Variants in OXR1 observed in about 807,000 individuals in gnomAD.
The protein encoded by OXR1 is oxidation resistance protein 1.
Under a neutral mutation model 104.6 loss-of-function variants are expected in OXR1, and 41 were observed. The ratio of observed to expected loss-of-function variants is 0.39; its 90% confidence interval spans 0.31 to 0.51. The LOEUF (loss-of-function observed/expected upper bound fraction) is 0.51, where lower values mean the gene tolerates loss of function less well. Among genes scored for constraint, OXR1 ranks in the 20% least tolerant of loss-of-function variants. The probability of loss-of-function intolerance (pLI) is 0.77; values close to 1 mark genes in which losing one functional copy is unlikely to be tolerated. For missense variants in OXR1, 955 were observed against 1,031.9 expected, an observed-to-expected ratio of 0.93 and a Z score of 1.02; for synonymous variants, 348 against 348.4, an observed-to-expected ratio of 1.00 and a Z score of 0.01.
intron 1 of OXR1, among the ~76,000 whole-genome samples, chr8:106,321,298 A>G (rs886562240): frequency 5.9e-5 from 9 of 152,180 alleles, no homozygotes; most frequent in Non-Finnish European, 1.2e-4. Context: ...CAAAGAAAAA[A>G]TGTAATGGAT....
In OXR1 at chr8:106,704,313, GGA is replaced by G. The variant is rs3046757; in HGVS notation, c.860+1241_860+1242del. On this transcript the variant is annotated intron_variant, in intron 8 of 16. Coordinates refer to ENST00000517566, the MANE Select transcript of OXR1 (RefSeq NM_001198533.2). Reference sequence around the variant, plus strand: ...GAAGAGGAAGGATATATACATATATGGAGAGAGAGAGAGAGAGAGTCATTGGT... The same window carrying G: ...GAAGAGGAAGGATATATACATATATGGAGAGAGAGAGAGAGAGTCATTGGT... 9.0e-4 allele frequency among the ~76,000 whole-genome samples: 133 copies of G among 147,394 alleles called. No homozygotes were observed. The East Asian group carries it at 0.019, about 21-fold the overall frequency.
intron 8 of OXR1, among the ~76,000 whole-genome samples, chr8:106,704,313 GGAGAGA>G (rs3046757): frequency 0.24 from 35,463 of 147,348 alleles, 4,702 homozygotes; most frequent in African/African-American, 0.35. Flanking sequence ...ATACATATAT[GGAGAGA>G]GAGAGAGAGA....
chr8:106,395,508 A>C (rs905819586), intron 2 of OXR1, among the ~76,000 whole-genome samples: 24 of 152,276 alleles, frequency 1.6e-4, no homozygotes, highest in Admixed American at 1.4e-3. Flanking sequence ...CTTATTCACT[A>C]TCACAAGAAT....
chr8:106,719,597 C>T (rs1162791498), intron 11 of OXR1, among the ~76,000 whole-genome samples: 3 of 152,058 alleles, frequency 2.0e-5, no homozygotes, highest in East Asian at 1.9e-4. Context: ...GTTCCTCCTC[C>T]ATTGCTTTGC....
At chr8:106,315,867 A>C (rs1813911334) in intron 1 of OXR1, among the ~76,000 whole-genome samples, 1 of 152,218 alleles carries the variant, frequency 6.6e-6, no homozygotes, top group African/African-American at 2.4e-5. Context: ...AATTGGAAAC[A>C]AGAGGCATGT....
At chr8:106,374,903 T>C (rs1816849221) in intron 2 of OXR1, among the ~76,000 whole-genome samples, 1 of 152,236 alleles carries the variant, frequency 6.6e-6, no homozygotes, top group Non-Finnish European at 1.5e-5. Flanking sequence ...TTTTCAGCGT[T>C]GTGCACACTA....
chr8:106,625,890 C>A (rs539754214), intron 3 of OXR1, among the ~76,000 whole-genome samples: 1 of 151,862 alleles, frequency 6.6e-6, no homozygotes, highest in African/African-American at 2.4e-5. Flanking sequence ...TTATATATGT[C>A]TTTTTAGGAA....
intron 7 of OXR1, among the ~76,000 whole-genome samples, chr8:106,694,553 T>TATGTTTATATATATTTGATATATAA (rs1464131197): frequency 7.8e-5 from 10 of 128,402 alleles, no homozygotes; most frequent in Non-Finnish European, 9.4e-5. Context: ...GATATATAAA[T>TATGTTTATATATATTTGATATATAA]ATGTTTATAT....
rs533841079 is a variant in OXR1 at position 106,639,430 on chromosome 8, T to C, written c.221-39780T>C. 2.6e-5 allele frequency among the ~76,000 whole-genome samples: 4 copies of C among 152,288 alleles called. No individual in the cohort carries two copies. In the East Asian group the frequency reaches 7.7e-4, roughly 29 times the overall value. ...ATGTAAAAAACTGCAGACAAGAAGATGAATGAGACATATACCCAGCTCTTC... is the reference window on the plus strand; with the variant it reads ...ATGTAAAAAACTGCAGACAAGAAGACGAATGAGACATATACCCAGCTCTTC... On this transcript the variant is annotated intron_variant, in intron 3 of 16. Transcript: ENST00000517566.
At chr8:106,507,282 G>A (rs1812230421) in intron 2 of OXR1, among the ~76,000 whole-genome samples, 2 of 152,116 alleles carry the variant, frequency 1.3e-5, no homozygotes, top group South Asian at 4.2e-4. Flanking sequence ...CCCTCCTATA[G>A]ACTATTGAGT....
chr8:106,526,833 G>T (rs893363390), intron 3 of OXR1, among the ~76,000 whole-genome samples: 2 of 152,172 alleles, frequency 1.3e-5, no homozygotes, highest in African/African-American at 4.8e-5. Context: ...GTGAGCCACC[G>T]CGCCATGTAT....
intron 3 of OXR1, among the ~76,000 whole-genome samples, chr8:106,583,318 CA>C (rs1370689323): frequency 1.3e-5 from 2 of 152,152 alleles, no homozygotes; most frequent in African/African-American, 4.8e-5. Flanking sequence ...TGATTTTTAA[CA>C]AACACTTTAA....
At chr8:106,478,642 A>G (rs1353158556) in intron 2 of OXR1, among the ~76,000 whole-genome samples, 1 of 151,810 alleles carries the variant, frequency 6.6e-6, no homozygotes, top group Non-Finnish European at 1.5e-5. Flanking sequence ...ATATTTTAGG[A>G]TGACAGTTGG....
intron 3 of OXR1, among the ~76,000 whole-genome samples, chr8:106,545,364 C>G (rs766543353): frequency 8.6e-5 from 13 of 151,976 alleles, no homozygotes; most frequent in Non-Finnish European, 1.8e-4. Context: ...CATAAATGTA[C>G]AAAAATCAAT....
chr8:106,304,776 G>A (rs886872079), intron 1 of OXR1, among the ~76,000 whole-genome samples: 9 of 152,036 alleles, frequency 5.9e-5, no homozygotes, highest in African/African-American at 2.2e-4. Flanking sequence ...TACCCTATTG[G>A]ACAGCTCAGG....
rs1811537522 is a variant in OXR1, at chr8:106,498,113, G to A, written c.24-20830G>A. ...CGTCCTTAAGCAATAGCCACCAAAA[G>A]TTCTTATGGAGACTCCTGGAAATAT... On this transcript the variant is annotated intron_variant, in intron 2 of 16. Transcript: ENST00000517566. 2.0e-5 allele frequency among the ~76,000 whole-genome samples: 3 copies of A among 152,040 alleles called. No individual in the cohort carries two copies. In the South Asian group the frequency reaches 6.2e-4, roughly 32 times the overall value.
intron 7 of OXR1, among the ~76,000 whole-genome samples, chr8:106,693,834 A>G (rs1010248743): frequency 6.6e-5 from 10 of 152,112 alleles, no homozygotes; most frequent in Non-Finnish European, 1.2e-4. Flanking sequence ...TAAACTCCAG[A>G]TTTTGCTCAA....
chr8:106,620,528 G>A (rs1563648244), intron 3 of OXR1, among the ~76,000 whole-genome samples: 1 of 152,006 alleles, frequency 6.6e-6, no homozygotes, highest in South Asian at 2.1e-4. Context: ...TTCCACTCTG[G>A]CTTCCTGGCA....
At chr8:106,352,246 A>G (rs1025081774) in intron 1 of OXR1, among the ~76,000 whole-genome samples, 6 of 152,214 alleles carry the variant, frequency 3.9e-5, no homozygotes, top group African/African-American at 9.6e-5. Context: ...GATTAACTGG[A>G]TGGGTGGAAC....
Sources: gnomAD v4.1 joint callset for allele counts (sites outside exome capture counted in the v4.1 genomes callset) on GRCh38, gnomAD v4.1.1 for gene constraint, MANE v1.5 for transcripts, NCBI Gene and HGNC (gene_info 2026-07-23, HGNC 2026-07-21) for gene names.